The following SCLT1 variants were observed in gnomAD, a reference collection of about 807,000 sequenced individuals.
The protein encoded by SCLT1 is sodium channel-associated protein 1.
A neutral mutation model predicts 112.8 loss-of-function variants in SCLT1; 78 were observed. The observed-to-expected ratio is 0.69, with a 90% confidence interval of 0.58 to 0.83. The LOEUF (loss-of-function observed/expected upper bound fraction) is 0.83, where lower values mean the gene tolerates loss of function less well. Among genes scored for constraint, SCLT1 ranks in the 40% least tolerant of loss-of-function variants. The pLI is 0.00. For missense variants in SCLT1, 747 were observed against 770.4 expected, an observed-to-expected ratio of 0.97 and a Z score of 0.36; for synonymous variants, 257 against 254.7, an observed-to-expected ratio of 1.01 and a Z score of -0.09.
intron 14 of SCLT1, among the ~76,000 whole-genome samples, chr4:128,950,400 A>G (rs1738621179): frequency 6.6e-6 from 1 of 152,212 alleles, no homozygotes; most frequent in East Asian, 1.9e-4. Flanking sequence ...AAAATGAGAC[A>G]GCAAAGTTTA....
rs533770430 is a variant in SCLT1, at chr4:129,021,515, C to T, written c.290+17526G>A. On this transcript the variant is annotated intron_variant, in intron 5 of 20. Transcript: ENST00000281142. Reference sequence around the variant, plus strand: ...CAAGCTTGGTTGCGGGAGGGGCATCCGCCATTACTGAGGCTTGAATAGGCA... The same window carrying T: ...CAAGCTTGGTTGCGGGAGGGGCATCTGCCATTACTGAGGCTTGAATAGGCA... Among the ~76,000 whole-genome samples the T allele has an allele frequency of 2.6e-4, 40 of 152,248 alleles. No individual in the cohort carries two copies. In the South Asian group the frequency reaches 3.1e-3, roughly 12 times the overall value.
chr4:129,023,970 G>A (rs377418481), intron 5 of SCLT1, among the ~76,000 whole-genome samples: 59 of 152,340 alleles, frequency 3.9e-4, no homozygotes, highest in East Asian at 2.7e-3. Context: ...ACTGCAAGGC[G>A]GCAGCGAGGC....
Position 128,970,476 on chromosome 4 carries a change from ATAAAG to A in SCLT1, c.687-13_687-9del, listed in dbSNP as rs760593966. The A allele has an allele frequency of 2.0e-6, 3 of 1,488,008 alleles. No individual in the cohort carries two copies. The highest frequency in any genetic ancestry group is 3.4e-5 in the Admixed American group (2 of 59,548). 92.2% of individuals were successfully genotyped at this position (1,488,008 alleles called of 1,614,324 possible). A position where few individuals can be genotyped will look rare whatever the true frequency, so the allele number is the denominator to read the frequency against. On this transcript the variant is annotated splice_polypyrimidine_tract_variant and intron_variant, in intron 9 of 20. Transcript: ENST00000281142. ...AGCTCTAATTTGGCTTGCCTAAAAA[ATAAAG>A]TAAATTAATAAACACTGTTTTCATA...
At chr4:128,948,674 C>A in intron 14 of SCLT1, 104 bp from the exon 15 acceptor site, 2 of 837,262 alleles carry the variant, frequency 2.4e-6, no homozygotes, top group South Asian at 1.6e-5. Flanking sequence ...TAGTTATCAA[C>A]ACAAGTTTAA....
chr4:129,082,418 C>A (rs749646631), intron 1 of SCLT1, 45 bp from the exon 2 acceptor site: 3 of 1,212,564 alleles, frequency 2.5e-6, no homozygotes, highest in Admixed American at 1.9e-5. Context: ...GAGTAATGGT[C>A]AATTCTTTAA....
chr4:128,916,674 T>C (rs1029622416), intron 18 of SCLT1, among the ~76,000 whole-genome samples: 2 of 152,192 alleles, frequency 1.3e-5, no homozygotes, highest in Non-Finnish European at 2.9e-5. Context: ...AACAGACACT[T>C]ACTTTTTCAT....
chr4:129,064,093 G>T (rs1750251284), intron 2 of SCLT1, among the ~76,000 whole-genome samples: 2 of 152,158 alleles, frequency 1.3e-5, no homozygotes, highest in Admixed American at 1.3e-4. Context: ...ACTGTGGGGA[G>T]ATGACAGTAG....
intron 18 of SCLT1, among the ~76,000 whole-genome samples, chr4:128,912,107 G>A (rs1735145308): frequency 6.6e-6 from 1 of 151,970 alleles, no homozygotes; most frequent in Non-Finnish European, 1.5e-5. Context: ...ATAATGCTGT[G>A]GTATATATAG....
At chr4:128,952,291 T>C (rs1738825093) in intron 14 of SCLT1, 1 of 455,470 alleles carries the variant, frequency 2.2e-6, no homozygotes, top group Non-Finnish European at 4.4e-6. Context: ...AGCAAGGTTA[T>C]TAAATTTCAT....
intron 11 of SCLT1, among the ~76,000 whole-genome samples, chr4:128,963,549 C>G (rs1739920448): frequency 1.3e-5 from 2 of 152,102 alleles, no homozygotes; most frequent in African/African-American, 4.8e-5. Flanking sequence ...TATGGAAAAT[C>G]ATACCTAGTC....
chr4:129,083,450 C>CAA (rs10708320), intron 1 of SCLT1, among the ~76,000 whole-genome samples: 28 of 116,404 alleles, frequency 2.4e-4, no homozygotes, highest in South Asian at 7.6e-4. Flanking sequence ...TATCAAGAAC[C>CAA]AAAAAAAAAA....
chr4:129,051,799 G>A (rs1333581138), intron 2 of SCLT1, among the ~76,000 whole-genome samples: 2 of 152,150 alleles, frequency 1.3e-5, no homozygotes, highest in South Asian at 2.1e-4. Context: ...TCCTTGTCAC[G>A]TGTCGGTTTT....
At chr4:128,967,750 C>T (rs1470211706) in intron 10 of SCLT1, among the ~76,000 whole-genome samples, 2 of 152,008 alleles carry the variant, frequency 1.3e-5, no homozygotes, top group Non-Finnish European at 1.5e-5. Context: ...GGATATTACA[C>T]CTTTGTCAGA....
intron 2 of SCLT1, among the ~76,000 whole-genome samples, chr4:129,060,531 G>A (rs563320628): frequency 2.1e-4 from 32 of 152,162 alleles, no homozygotes; most frequent in Non-Finnish European, 4.1e-4. Context: ...TGGGAAGGGC[G>A]TGGTAATTTT....
At chr4:128,955,453 G>A (rs1739142967) in intron 13 of SCLT1, among the ~76,000 whole-genome samples, 1 of 152,106 alleles carries the variant, frequency 6.6e-6, no homozygotes, top group Non-Finnish European at 1.5e-5. Context: ...AGATATCTAA[G>A]AAATAAAGTA....
chr4:129,033,769 T>C (rs1746954412), intron 5 of SCLT1, among the ~76,000 whole-genome samples: 1 of 152,100 alleles, frequency 6.6e-6, no homozygotes, highest in Non-Finnish European at 1.5e-5. Context: ...GAAGCCAATG[T>C]AAGGTCAGAG....
At chr4:128,906,002 C>T (rs1057442694) in intron 18 of SCLT1, among the ~76,000 whole-genome samples, 5 of 152,126 alleles carry the variant, frequency 3.3e-5, no homozygotes, top group African/African-American at 1.2e-4. Flanking sequence ...TAAGGAGAAG[C>T]TACATTCACA....
chr4:128,932,694 T>C (rs1553964067), intron 18 of SCLT1, among the ~76,000 whole-genome samples: 1 of 152,116 alleles, frequency 6.6e-6, no homozygotes, highest in Non-Finnish European at 1.5e-5. Flanking sequence ...AATGAAATGA[T>C]CTAATATATA....
intron 5 of SCLT1, among the ~76,000 whole-genome samples, chr4:129,029,876 A>C (rs1220524809): frequency 1.3e-5 from 2 of 152,114 alleles, no homozygotes; most frequent in African/African-American, 4.8e-5. Flanking sequence ...GGAGACTTTA[A>C]CATCCCACTG....
Sources: gnomAD v4.1 joint callset for allele counts (sites outside exome capture counted in the v4.1 genomes callset) on GRCh38, gnomAD v4.1.1 for gene constraint, MANE v1.5 for transcripts, NCBI Gene and HGNC (gene_info 2026-07-23, HGNC 2026-07-21) for gene names.